Variants in TLL1 observed in about 807,000 individuals in gnomAD.
TLL1 encodes the protein tolloid like 1.
TLL1 carries 49 observed loss-of-function variants against 128.2 expected under a neutral mutation model. That is an observed-to-expected ratio of 0.38 (90% CI 0.30 to 0.48). TLL1 has a LOEUF of 0.48. Ranked by LOEUF, TLL1 falls within the 20% of genes least tolerant of loss-of-function variation. The pLI, the probability that TLL1 is intolerant of heterozygous loss-of-function variation, is 0.96. For missense variants in TLL1, 1,123 were observed against 1,242.0 expected, an observed-to-expected ratio of 0.90 and a Z score of 1.44; for synonymous variants, 454 against 418.8, an observed-to-expected ratio of 1.08 and a Z score of -1.03.
At chr4:166,087,505 A>T (rs906436483) in intron 18 of TLL1, among the ~76,000 whole-genome samples, 2 of 152,122 alleles carry the variant, frequency 1.3e-5, no homozygotes. Flanking sequence ...CAAAAACAGG[A>T]TAAGGTGAAA....
intron 1 of TLL1, among the ~76,000 whole-genome samples, chr4:165,901,995 G>A (rs1336170724): frequency 6.6e-6 from 1 of 152,204 alleles, no homozygotes; most frequent in Non-Finnish European, 1.5e-5. Context: ...TTGCCGAGCT[G>A]TGGTGGGTTC....
intron 19 of TLL1, among the ~76,000 whole-genome samples, chr4:166,097,899 G>A (rs1190679830): frequency 6.6e-6 from 1 of 151,960 alleles, no homozygotes; most frequent in Non-Finnish European, 1.5e-5. Flanking sequence ...TGACAAACAG[G>A]GACAGAAAGA....
rs146429638 is a variant in TLL1 at position 166,036,221 on chromosome 4, G to A, written c.1159-3118G>A. On this transcript the variant is annotated intron_variant, in intron 9 of 20. Coordinates refer to ENST00000061240, the MANE Select transcript of TLL1 (RefSeq NM_012464.5). ...TCACAGACACCCAGTCCCTTGAACT[G>A]CTGATCTGCCTTTCTTCAGGATTCT... Among the ~76,000 whole-genome samples the A allele has an allele frequency of 3.0e-3, 450 of 152,178 alleles. 4 individuals carry two copies. The highest frequency in any genetic ancestry group is 0.01 in the African/African-American group (429 of 41,530).
intron 1 of TLL1, among the ~76,000 whole-genome samples, chr4:165,967,259 G>A (rs1446596661): frequency 1.3e-5 from 2 of 152,100 alleles, no homozygotes; most frequent in South Asian, 4.1e-4. Context: ...ATTTCATATT[G>A]TTCAAACACA....
chr4:165,953,656 TG>T (rs1734648067), intron 1 of TLL1, among the ~76,000 whole-genome samples: 1 of 150,080 alleles, frequency 6.7e-6, no homozygotes, highest in East Asian at 2.0e-4. Context: ...ATAAATATTA[TG>T]TACAAATGAA....
At chr4:165,936,206 A>ATATATATTT (rs765472596) in intron 1 of TLL1, among the ~76,000 whole-genome samples, 1 of 139,602 alleles carries the variant, frequency 7.2e-6, no homozygotes, top group African/African-American at 2.6e-5. Context: ...ATATATATAT[A>ATATATATTT]TTTTTTTTTC....
intron 1 of TLL1, among the ~76,000 whole-genome samples, chr4:165,979,222 TG>T (rs1310102781): frequency 2.6e-5 from 4 of 152,156 alleles, no homozygotes; most frequent in African/African-American, 9.7e-5. Flanking sequence ...GTGCAATACA[TG>T]GTGTTTACTA....
intron 1 of TLL1, among the ~76,000 whole-genome samples, chr4:165,946,493 C>T (rs1373857206): frequency 6.7e-6 from 1 of 149,416 alleles, no homozygotes; most frequent in Admixed American, 6.6e-5. Context: ...GCAGCATACC[C>T]AGCTAATTTT....
chr4:166,091,221 G>GGAC lies in TLL1; in HGVS notation c.2540_2542dup (p.Arg847dup). The stretch of plus-strand genomic sequence containing the variant: ...AGAAACAGAAAAGTCACCGATTCTT[G>GGAC]GACGACTGTGTGGCAACAAGATACC... On this transcript the variant is annotated inframe_insertion, in exon 19 of 21. Transcript: ENST00000061240. The GGAC allele has an allele frequency of 6.2e-7, 1 of 1,613,192 alleles. No individual in the cohort carries two copies. Among genetic ancestry groups the GGAC allele is most frequent in the Non-Finnish European group, 8.5e-7 (1 of 1,179,510 alleles).
chr4:166,069,994 T>G (rs962064071), intron 16 of TLL1, among the ~76,000 whole-genome samples: 1 of 151,862 alleles, frequency 6.6e-6, no homozygotes, highest in African/African-American at 2.4e-5. Context: ...GGACATTATG[T>G]AGAATTATGT....
At chr4:165,999,179 C>G (rs764425911) in intron 5 of TLL1, among the ~76,000 whole-genome samples, 5 of 152,158 alleles carry the variant, frequency 3.3e-5, no homozygotes, top group Non-Finnish European at 5.9e-5. Context: ...TGCCCGTTAC[C>G]CAGTTCCAAA....
chr4:165,877,784 T>C (rs1036432381), intron 1 of TLL1, among the ~76,000 whole-genome samples: 2 of 151,908 alleles, frequency 1.3e-5, no homozygotes, highest in Admixed American at 6.5e-5. Flanking sequence ...TTTCTTTTTT[T>C]TTTTTCTTTT....
intron 1 of TLL1, among the ~76,000 whole-genome samples, chr4:165,952,233 C>G (rs1435731863): frequency 6.6e-6 from 1 of 152,104 alleles, no homozygotes; most frequent in Non-Finnish European, 1.5e-5. Flanking sequence ...AAGGATCATA[C>G]TAAATTTCTG....
chr4:165,947,599 G>A (rs1423144259), intron 1 of TLL1, among the ~76,000 whole-genome samples: 1 of 152,092 alleles, frequency 6.6e-6, no homozygotes. Context: ...CGATATGATT[G>A]TATGATTCTT....
At chr4:165,892,443 T>C (rs1157013455) in intron 1 of TLL1, among the ~76,000 whole-genome samples, 3 of 152,194 alleles carry the variant, frequency 2.0e-5, no homozygotes, top group Non-Finnish European at 4.4e-5. Context: ...TCTGAAGTCA[T>C]AAGCCAATTC....
At chr4:166,028,498 A>G (rs79718286) in intron 9 of TLL1, among the ~76,000 whole-genome samples, 3,050 of 152,014 alleles carry the variant, frequency 0.02, 54 homozygotes, top group Middle Eastern at 0.031. Flanking sequence ...GTTTTGTGCA[A>G]TGGTTGGGTG....
At position 166,100,993 on chromosome 4, in the gene TLL1, C is replaced by T. The variant is rs1742262052; in HGVS notation, c.*117C>T. ...ATACAAAGAGTTTGAACAAAAAATCCCTGTAAGACCAGAATTATCTTTGTA... is the reference window on the plus strand; with the variant it reads ...ATACAAAGAGTTTGAACAAAAAATCTCTGTAAGACCAGAATTATCTTTGTA... On this transcript the variant is annotated 3_prime_UTR_variant, in exon 21 of 21. Coordinates refer to ENST00000061240, the MANE Select transcript of TLL1 (RefSeq NM_012464.5). 15 of 1,291,988 alleles carry T rather than the reference C, an allele frequency of 1.2e-5. No homozygotes were observed. Among genetic ancestry groups the T allele is most frequent in the Non-Finnish European group, 1.5e-5 (14 of 928,872 alleles). The allele number at this position is 1,291,988 out of a possible 1,614,324, so 80.0% of individuals were successfully genotyped here. A position where few individuals can be genotyped will look rare whatever the true frequency, so the allele number is the denominator to read the frequency against.
At chr4:166,099,603 T>C in intron 20 of TLL1, 76 bp downstream of exon 20, 1 of 1,508,350 alleles carries the variant, frequency 6.6e-7, no homozygotes, top group African/African-American at 1.4e-5. Flanking sequence ...TGTGTACCAT[T>C]CACAAGTTGG....
chr4:165,911,776 G>A (rs1199255560), intron 1 of TLL1, among the ~76,000 whole-genome samples: 2 of 152,222 alleles, frequency 1.3e-5, no homozygotes, highest in Middle Eastern at 3.4e-3. Context: ...CAGCTTGAAT[G>A]TTTCTGAAAC....
Sources: gnomAD v4.1 joint callset for allele counts (sites outside exome capture counted in the v4.1 genomes callset) on GRCh38, gnomAD v4.1.1 for gene constraint, MANE v1.5 for transcripts, NCBI Gene and HGNC (gene_info 2026-07-23, HGNC 2026-07-21) for gene names.